Variants in TBC1D12 observed in about 807,000 individuals in gnomAD.
TBC1D12 encodes TBC1 domain family member 12, also known as TBC1 domain family, member 12.
Under a neutral mutation model 86.7 loss-of-function variants are expected in TBC1D12, and 56 were observed. The observed-to-expected ratio is 0.65, with a 90% CI of 0.52 to 0.81. The LOEUF is 0.81. TBC1D12 is among the 30% of genes least tolerant of loss of function. The pLI is 0.00. For synonymous variants in TBC1D12, 421 were observed against 411.7 expected, an observed-to-expected ratio of 1.02 and a Z score of -0.27; for missense variants, 1,023 against 1,038.8, an observed-to-expected ratio of 0.98 and a Z score of 0.21.
At chr10:94,520,980 G>A (rs989260601) in intron 9 of TBC1D12, among the ~76,000 whole-genome samples, 10 of 151,998 alleles carry the variant, frequency 6.6e-5, no homozygotes, top group Admixed American at 4.6e-4. Flanking sequence ...TATTCTTAAT[G>A]GTCTCACTGT....
chr10:94,508,597 G>A (rs2056489483), intron 7 of TBC1D12: 1 of 151,996 alleles, frequency 6.6e-6, no homozygotes, highest in Non-Finnish European at 1.5e-5. Context: ...TGTAATTGTA[G>A]AATGTTCACT....
At chr10:94,493,945 A>C (rs982834198) in intron 4 of TBC1D12, among the ~76,000 whole-genome samples, 1 of 151,966 alleles carries the variant, frequency 6.6e-6, no homozygotes, top group Non-Finnish European at 1.5e-5. Flanking sequence ...TAATTCATGA[A>C]TCTATTAATG....
chr10:94,510,009 C>T (rs1182812585), intron 7 of TBC1D12, 82 bp from the exon 8 acceptor site: 2 of 900,722 alleles, frequency 2.2e-6, no homozygotes, highest in Non-Finnish European at 3.5e-6. Flanking sequence ...ATAACACATG[C>T]TGTGTGATCA....
At chr10:94,427,468 A>G (rs562597007) in intron 1 of TBC1D12, among the ~76,000 whole-genome samples, 19 of 152,306 alleles carry the variant, frequency 1.2e-4, no homozygotes, top group African/African-American at 4.6e-4. Context: ...CAAAAGCAAG[A>G]CTTTTTATAA....
At chr10:94,478,188 G>A (rs1170148666) in intron 3 of TBC1D12, among the ~76,000 whole-genome samples, 1 of 152,124 alleles carries the variant, frequency 6.6e-6, no homozygotes, top group African/African-American at 2.4e-5. Context: ...CTTGAGCCCA[G>A]GAGTTTGAGG....
At position 94,533,115 on chromosome 10, in the gene TBC1D12, TA is replaced by T; in HGVS notation, c.*21del. 2 of 1,523,128 alleles carry T rather than the reference TA, an allele frequency of 1.3e-6. No homozygotes were observed. The highest frequency in any genetic ancestry group is 1.2e-5 in the South Asian group (1 of 80,460). The allele number at this position is 1,523,128 out of a possible 1,614,324, so 94.4% of individuals were successfully genotyped here. A position where few individuals can be genotyped will look rare whatever the true frequency, so the allele number is the denominator to read the frequency against. On this transcript the variant is annotated 3_prime_UTR_variant, in exon 13 of 13. Coordinates refer to ENST00000225235, the MANE Select transcript of TBC1D12 (RefSeq NM_015188.2). ...AAGCTAGTCTTCAAAATTGACAGAC[TA>T]ACTGACATAGAAAAAGTGGTTTTTG...
intron 2 of TBC1D12, among the ~76,000 whole-genome samples, chr10:94,452,676 C>A (rs1005927051): frequency 6.6e-6 from 1 of 152,044 alleles, no homozygotes. Flanking sequence ...GTTTATTTAC[C>A]CATTCACCTA....
At chr10:94,489,121 C>T (rs2056211840) in intron 3 of TBC1D12, among the ~76,000 whole-genome samples, 1 of 152,166 alleles carries the variant, frequency 6.6e-6, no homozygotes, top group African/African-American at 2.4e-5. Flanking sequence ...CTTTCAAGTT[C>T]ACTTAGGATC....
intron 1 of TBC1D12, among the ~76,000 whole-genome samples, chr10:94,421,783 T>C (rs1018336417): frequency 6.6e-6 from 1 of 152,260 alleles, no homozygotes; most frequent in Non-Finnish European, 1.5e-5. Flanking sequence ...CAACTAATGA[T>C]GCTGAGCATT....
At chr10:94,505,436 T>C (rs2056447791) in intron 6 of TBC1D12, among the ~76,000 whole-genome samples, 1 of 152,068 alleles carries the variant, frequency 6.6e-6, no homozygotes, top group Non-Finnish European at 1.5e-5. Context: ...AAAAATTAAC[T>C]GGATGTGTTG....
At chr10:94,531,532 T>C in intron 12 of TBC1D12, 72 bp downstream of exon 12, 27 of 1,441,566 alleles carry the variant, frequency 1.9e-5, no homozygotes, top group Non-Finnish European at 2.5e-5. Flanking sequence ...GTTAGGTATT[T>C]CTTAAAAGTT....
intron 3 of TBC1D12, among the ~76,000 whole-genome samples, chr10:94,487,242 C>CTTT (rs60104750): frequency 3.1e-4 from 39 of 127,604 alleles, no homozygotes; most frequent in Admixed American, 3.1e-4. Flanking sequence ...ATCATTGGGT[C>CTTT]TTTTTTTTTT....
chr10:94,419,024 G>A (rs866710067), intron 1 of TBC1D12, among the ~76,000 whole-genome samples: 4 of 152,052 alleles, frequency 2.6e-5, no homozygotes, highest in Admixed American at 6.6e-5. Flanking sequence ...ACAGGTGCAC[G>A]CCACCACGCC....
chr10:94,515,097 C>T (rs1460175979), intron 9 of TBC1D12, among the ~76,000 whole-genome samples: 5 of 150,260 alleles, frequency 3.3e-5, no homozygotes, highest in African/African-American at 1.2e-4. Context: ...TTAGTAGAGA[C>T]GGGGTTTCAC....
chr10:94,487,040 C>A (rs1286423667), intron 3 of TBC1D12, among the ~76,000 whole-genome samples: 1 of 151,994 alleles, frequency 6.6e-6, no homozygotes, highest in East Asian at 1.9e-4. Context: ...CTGAATTGAC[C>A]CCTTTATCAT....
At position 94,403,038 on chromosome 10, in the gene TBC1D12, C is replaced by T. The variant is rs547374715; in HGVS notation, c.425C>T (p.Pro142Leu). 63 of 1,564,918 alleles carry T rather than the reference C, an allele frequency of 4.0e-5. No individual in the cohort carries two copies. In the African/African-American group the frequency reaches 6.0e-4, roughly 15 times the overall value. The change falls in exon 1 of 13, where the codon CCG (proline) becomes CTG (leucine). Residue 142 changes from proline to leucine, a missense_variant. Pro to Leu is a moderately conservative substitution (Grantham distance 98). Around this residue, in one of 2 missense-constraint regions of TBC1D12, gnomAD observed 628 missense variants for 531.1 expected, o/e 1.18. Transcript: ENST00000225235. ...GMTNGDSGFL[P>L]GRDCRDLEEA... ...ACCAACGGCGACTCGGGTTTTCTGC[C>T]GGGCCGGGACTGTCGCGATCTGGAA... is the stretch of plus-strand genomic sequence containing the variant.
chr10:94,413,467 G>T (rs776384580), intron 1 of TBC1D12, among the ~76,000 whole-genome samples: 2 of 151,814 alleles, frequency 1.3e-5, no homozygotes, highest in Non-Finnish European at 2.9e-5. Flanking sequence ...ATTCTTTTCC[G>T]TGCCTTTAAG....
chr10:94,498,049 G>A (rs2056347728), intron 5 of TBC1D12, among the ~76,000 whole-genome samples: 1 of 152,040 alleles, frequency 6.6e-6, no homozygotes, highest in Admixed American at 6.6e-5. Context: ...TCGATCTCCT[G>A]ACCTTGTGAT....
chr10:94,424,298 G>T (rs2055119367), intron 1 of TBC1D12, among the ~76,000 whole-genome samples: 1 of 152,166 alleles, frequency 6.6e-6, no homozygotes, highest in South Asian at 2.1e-4. Flanking sequence ...TAATGCTAGG[G>T]TAAATAATTA....
Sources: gnomAD v4.1 joint callset for allele counts (sites outside exome capture counted in the v4.1 genomes callset) on GRCh38, gnomAD v4.1.1 for gene constraint, gnomAD v4.1.1 regional missense constraint, MANE v1.5 for transcripts, NCBI Gene and HGNC (gene_info 2026-07-23, HGNC 2026-07-21) for gene names.